Variants in TBC1D22A observed in about 807,000 individuals in gnomAD.
TBC1D22A encodes TBC1 domain family member 22A.
Under a neutral mutation model 60.2 loss-of-function variants are expected in TBC1D22A, and 38 were observed. That is an observed-to-expected ratio of 0.63 (90% CI 0.49 to 0.83). TBC1D22A has a LOEUF of 0.83. TBC1D22A is among the 40% of genes least tolerant of loss of function. TBC1D22A has a pLI of 0.00. For missense variants in TBC1D22A, 628 were observed against 701.0 expected (o/e 0.90, Z 1.18); for synonymous variants, 302 against 281.7 (o/e 1.07, Z -0.72).
chr22:46,935,283 A>G lies in TBC1D22A; in HGVS notation c.1015+23095A>G, dbSNP rs375521238. ...GGGACGAAGCCCCTGTATTTCAGCA[A>G]ATTAGAAACTTTGGTTGAACATTCA... is the stretch of plus-strand genomic sequence containing the variant. On this transcript the variant is annotated intron_variant, in intron 8 of 12. Transcript: ENST00000337137. 3.1e-4 allele frequency among the ~76,000 whole-genome samples: 47 copies of G among 152,322 alleles called. No individual in the cohort carries two copies. The East Asian group carries it at 4.6e-3, about 15-fold the overall frequency.
chr22:47,038,526 T>A (rs1603113730), intron 11 of TBC1D22A, among the ~76,000 whole-genome samples: 2 of 152,344 alleles, frequency 1.3e-5, no homozygotes, highest in East Asian at 3.9e-4. Context: ...GCTGCGTGCG[T>A]TCTTCCCACA....
intron 10 of TBC1D22A, among the ~76,000 whole-genome samples, chr22:47,007,594 T>A (rs1344526402): frequency 3.9e-5 from 6 of 151,970 alleles, no homozygotes; most frequent in Non-Finnish European, 7.4e-5. Context: ...CTAGCTGCTT[T>A]GGTTTCTGGT....
At position 46,882,628 on chromosome 22, in the gene TBC1D22A, C is replaced by T. The variant is rs184720210; in HGVS notation, c.708+3905C>T. 6.8e-4 allele frequency among the ~76,000 whole-genome samples: 103 copies of T among 152,274 alleles called. 1 individual carries two copies. The highest frequency in any genetic ancestry group is 2.3e-3 in the African/African-American group (96 of 41,546). On this transcript the variant is annotated intron_variant, in intron 5 of 12. Coordinates refer to ENST00000337137, the MANE Select transcript of TBC1D22A (RefSeq NM_014346.5). The stretch of plus-strand genomic sequence containing the variant: ...GAGGCTGAGTGAGACTCGCTGAGAG[C>T]CATGAGCGTGTTGTCTGGGAGGGTT...
In TBC1D22A at chr22:47,111,614, G is replaced by A. The variant is rs1159903652; in HGVS notation, c.1425+11G>A. 3.1e-6 allele frequency: 5 copies of A among 1,608,270 alleles called. No homozygotes were observed. The highest frequency in any genetic ancestry group is 1.3e-5 in the African/African-American group (1 of 74,720). On this transcript the variant is annotated intron_variant, in intron 12 of 12. Transcript: ENST00000337137. ...GAAAAAGATTTTCAAGTAAGTAAATGTCTTTTCAAAAGAACCCAAGTTTGA... is the reference window on the plus strand; with the variant it reads ...GAAAAAGATTTTCAAGTAAGTAAATATCTTTTCAAAAGAACCCAAGTTTGA...
chr22:46,850,424 A>G (rs1309478660), intron 4 of TBC1D22A, among the ~76,000 whole-genome samples: 1 of 152,212 alleles, frequency 6.6e-6, no homozygotes, highest in Non-Finnish European at 1.5e-5. Context: ...TAGATCCAAA[A>G]TCTTGGGAAA....
intron 12 of TBC1D22A, among the ~76,000 whole-genome samples, chr22:47,146,737 C>T (rs1022828814): frequency 1.3e-5 from 2 of 152,182 alleles, no homozygotes; most frequent in Non-Finnish European, 2.9e-5. Context: ...AAGGCTTTGC[C>T]TGCCGGGACA....
intron 1 of TBC1D22A, among the ~76,000 whole-genome samples, chr22:46,763,100 C>T (rs902284660): frequency 2.0e-5 from 3 of 152,076 alleles, no homozygotes; most frequent in Admixed American, 1.3e-4. Context: ...CTGACACTGG[C>T]AGGCTTCTTT....
chr22:46,767,255 C>G lies in TBC1D22A; in HGVS notation c.62+4407C>G, dbSNP rs372533923. 2.5e-4 allele frequency among the ~76,000 whole-genome samples: 38 copies of G among 152,302 alleles called. 1 individual carries two copies. The highest frequency in any genetic ancestry group is 2.6e-4 in the Non-Finnish European group (18 of 68,038). ...AGTTGGTGGTCCAGATTTTAACTTT[C>G]TTTTTCCGGTAGTGGTCTTCACCAA... On this transcript the variant is annotated intron_variant, in intron 1 of 12. Coordinates refer to ENST00000337137, the MANE Select transcript of TBC1D22A (RefSeq NM_014346.5).
At chr22:46,787,987 A>G (rs1183011713) in intron 1 of TBC1D22A, among the ~76,000 whole-genome samples, 1 of 119,070 alleles carries the variant, frequency 8.4e-6, no homozygotes, top group Admixed American at 1.1e-4. Context: ...CCCAGGTTGG[A>G]GTGCAGGGGC....
intron 4 of TBC1D22A, among the ~76,000 whole-genome samples, chr22:46,861,727 T>C (rs2087899692): frequency 6.6e-6 from 1 of 152,212 alleles, no homozygotes; most frequent in South Asian, 2.1e-4. Context: ...AAACTCAGAA[T>C]TGTGTATCCC....
intron 12 of TBC1D22A, among the ~76,000 whole-genome samples, chr22:47,137,905 C>T (rs575726360): frequency 1.3e-5 from 2 of 152,240 alleles, no homozygotes; most frequent in East Asian, 3.9e-4. Context: ...AAGTTTGCAT[C>T]TCTGAAAGGG....
rs2068630605 is a variant in TBC1D22A at position 47,174,929 on chromosome 22, A to AGGAATGCTG, written c.*1303_*1304insGGAATGCTG. The AGGAATGCTG allele has an allele frequency of 6.6e-6, 1 of 151,368 alleles. No individual in the cohort carries two copies. The highest frequency in any genetic ancestry group is 2.1e-4 in the South Asian group (1 of 4,756). 9.4% of individuals were successfully genotyped at this position (151,368 alleles called of 1,614,324 possible). ...CCCTCGGTGTGTCACAGGCTGCATG[A>AGGAATGCTG]CCCCTGGAATGCGGGCAGGGCCACA... On this transcript the variant is annotated 3_prime_UTR_variant, in exon 13 of 13. Transcript: ENST00000337137.
chr22:47,036,252 A>G (rs1356564523), intron 10 of TBC1D22A, among the ~76,000 whole-genome samples: 1 of 152,200 alleles, frequency 6.6e-6, no homozygotes, highest in African/African-American at 2.4e-5. Flanking sequence ...ATAAAGCAGC[A>G]CCCATTCTTC....
rs564962524 is a variant in TBC1D22A at position 46,934,629 on chromosome 22, A to G, written c.1015+22441A>G. The stretch of plus-strand genomic sequence containing the variant: ...GACTCTGCCATTGCAGTCCCTTGGC[A>G]GTAGTGATGGAGTCCTGAGGGTGAG... On this transcript the variant is annotated intron_variant, in intron 8 of 12. Coordinates refer to ENST00000337137, the MANE Select transcript of TBC1D22A (RefSeq NM_014346.5). 5.3e-5 allele frequency among the ~76,000 whole-genome samples: 8 copies of G among 152,346 alleles called. No individual in the cohort carries two copies. The East Asian group carries it at 1.5e-3, about 29-fold the overall frequency.
At chr22:46,807,811 T>C (rs2085213256) in intron 4 of TBC1D22A, among the ~76,000 whole-genome samples, 1 of 152,112 alleles carries the variant, frequency 6.6e-6, no homozygotes, top group South Asian at 2.1e-4. Context: ...GTTTTAGAAA[T>C]TTTATACAGG....
At chr22:47,146,065 C>T (rs115757699) in intron 12 of TBC1D22A, among the ~76,000 whole-genome samples, 289 of 148,610 alleles carry the variant, frequency 1.9e-3, no homozygotes, top group African/African-American at 5.3e-3. Flanking sequence ...TGGCCTGTCC[C>T]GTGCTGTTCC....
intron 11 of TBC1D22A, among the ~76,000 whole-genome samples, chr22:47,053,604 C>A (rs572122399): frequency 6.6e-6 from 1 of 152,218 alleles, no homozygotes; most frequent in South Asian, 2.1e-4. Context: ...GAGACGCCAG[C>A]GAGGAGGGAG....
In TBC1D22A at chr22:47,141,339, G is replaced by A. The variant is rs547336501; in HGVS notation, c.1425+29736G>A. Among the ~76,000 whole-genome samples, 14 of 152,312 alleles carry A rather than the reference G, an allele frequency of 9.2e-5. No individual in the cohort carries two copies. In the South Asian group the frequency reaches 2.9e-3, roughly 32 times the overall value. ...CCATATTAGCCTGCAACCTTGATCA[G>A]GTCACTCTGTCCTTCCTCGCCCAGT... On this transcript the variant is annotated intron_variant, in intron 12 of 12. Transcript: ENST00000337137.
At chr22:47,036,902 C>A (rs2062675535) in intron 10 of TBC1D22A, among the ~76,000 whole-genome samples, 169 bp from the exon 11 acceptor site, 2 of 152,236 alleles carry the variant, frequency 1.3e-5, no homozygotes, top group Admixed American at 1.3e-4. Flanking sequence ...GAGCTGTAGT[C>A]TCTCATTAAT....
Sources: allele counts gnomAD v4.1 joint callset (sites outside exome capture counted in the v4.1 genomes callset), GRCh38; gene constraint gnomAD v4.1.1; transcripts MANE v1.5; gene names NCBI Gene and HGNC (gene_info 2026-07-23, HGNC 2026-07-21).